Variants in TNIK observed in about 807,000 individuals in gnomAD.
TNIK encodes the protein TRAF2 and NCK-interacting protein kinase.
Under a neutral mutation model 191.3 loss-of-function variants are expected in TNIK, and 49 were observed. The observed-to-expected ratio is 0.26, with a 90% CI of 0.20 to 0.32. The LOEUF is 0.32. Among genes scored for constraint, TNIK ranks in the 10% least tolerant of loss-of-function variants. The pLI is 1.00. For synonymous variants in TNIK, 594 were observed against 600.9 expected (o/e 0.99, Z 0.17); for missense variants, 1,155 against 1,702.3 (o/e 0.68, Z 5.66).
chr3:171,072,406 C>T (rs949956414), intron 28 of TNIK, among the ~76,000 whole-genome samples: 3 of 151,976 alleles, frequency 2.0e-5, no homozygotes, highest in Non-Finnish European at 4.4e-5. Context: ...AAAAGATCCA[C>T]AGCTCTTGGC....
intron 7 of TNIK, among the ~76,000 whole-genome samples, chr3:171,186,587 C>T (rs1737394804): frequency 6.6e-6 from 1 of 152,224 alleles, no homozygotes; most frequent in Non-Finnish European, 1.5e-5. Context: ...TCCTCTTGCA[C>T]AACCTACATT....
chr3:171,453,042 A>G (rs1300868015), intron 1 of TNIK, among the ~76,000 whole-genome samples: 1 of 152,206 alleles, frequency 6.6e-6, no homozygotes, highest in Non-Finnish European at 1.5e-5. Flanking sequence ...TGCCATGGTC[A>G]GCAACAGGCC....
At position 171,139,415 on chromosome 3, in the gene TNIK, A is replaced by ACACACACACACACAC. The variant is rs1354055575; in HGVS notation, c.1419+54_1419+55insGTGTGTGTGTGTGTG. 5.1e-4 allele frequency: 607 copies of ACACACACACACACAC among 1,183,156 alleles called. 1 individual carries two copies. The highest frequency in any genetic ancestry group is 9.8e-4 in the Admixed American group (46 of 46,850). The allele number at this position is 1,183,156 out of a possible 1,614,324, so 73.3% of individuals were successfully genotyped here. ...ACACACACACACACACACACACACAAACACTTGCAAGATGAACACAGAGCA... is the reference window on the plus strand; with the variant it reads ...ACACACACACACACACACACACACAACACACACACACACACACACTTGCAAGATGAACACAGAGCA... On this transcript the variant is annotated intron_variant, in intron 14 of 32. Coordinates refer to ENST00000436636, the MANE Select transcript of TNIK (RefSeq NM_015028.4).
intron 2 of TNIK, among the ~76,000 whole-genome samples, chr3:171,282,341 G>GTTTTTTTTTTTTTTTTTTTTT (rs869305605): frequency 2.5e-5 from 2 of 79,964 alleles, no homozygotes; most frequent in African/African-American, 4.5e-5. Flanking sequence ...ATGGTTTTTT[G>GTTTTTTTTTTTTTTTTTTTTT]TTTTTTTTTT....
At chr3:171,146,458 A>G (rs1232276844) in intron 12 of TNIK, among the ~76,000 whole-genome samples, 1 of 152,168 alleles carries the variant, frequency 6.6e-6, no homozygotes, top group Non-Finnish European at 1.5e-5. Flanking sequence ...TATAGCTGCA[A>G]TGCAACGTGT....
chr3:171,285,683 C>A (rs944773068), intron 2 of TNIK, among the ~76,000 whole-genome samples: 1 of 152,188 alleles, frequency 6.6e-6, no homozygotes, highest in Non-Finnish European at 1.5e-5. Flanking sequence ...ATAAAATTAA[C>A]CCCTATTCCT....
At chr3:171,367,736 C>T (rs1715938711) in intron 2 of TNIK, among the ~76,000 whole-genome samples, 1 of 152,158 alleles carries the variant, frequency 6.6e-6, no homozygotes, top group African/African-American at 2.4e-5. Flanking sequence ...TCCCAAAGTG[C>T]TGGGATTACA....
intron 1 of TNIK, among the ~76,000 whole-genome samples, chr3:171,387,582 G>A (rs1441025447): frequency 6.6e-6 from 1 of 152,164 alleles, no homozygotes; most frequent in Admixed American, 6.6e-5. Flanking sequence ...GAAACTTAAG[G>A]AGTATGTGTC....
chr3:171,096,031 C>T (rs1273231591), intron 22 of TNIK, among the ~76,000 whole-genome samples: 2 of 151,754 alleles, frequency 1.3e-5, no homozygotes, highest in Non-Finnish European at 2.9e-5. Context: ...CTTCTTTCTT[C>T]CTTTGTGCCG....
chr3:171,150,436 C>T (rs1345133353), intron 12 of TNIK, among the ~76,000 whole-genome samples: 1 of 152,176 alleles, frequency 6.6e-6, no homozygotes, highest in Non-Finnish European at 1.5e-5. Flanking sequence ...GAAAGGGTCA[C>T]TCGGAAGGTA....
chr3:171,141,712 A>G (rs1730866252), intron 12 of TNIK, among the ~76,000 whole-genome samples: 1 of 152,196 alleles, frequency 6.6e-6, no homozygotes, highest in African/African-American at 2.4e-5. Context: ...CCCATACATC[A>G]TGGCATTAGT....
intron 2 of TNIK, among the ~76,000 whole-genome samples, chr3:171,296,790 A>G (rs1335076085): frequency 6.6e-6 from 1 of 152,192 alleles, no homozygotes; most frequent in Admixed American, 6.5e-5. Context: ...CTTAAATGAC[A>G]CTTTTATCTA....
chr3:171,065,557 T>A (rs1345061342), intron 32 of TNIK, among the ~76,000 whole-genome samples: 1 of 151,854 alleles, frequency 6.6e-6, no homozygotes, highest in Non-Finnish European at 1.5e-5. Context: ...ACAGGGAGGG[T>A]AAGGGAGAAG....
rs769060654 is a variant in TNIK, at chr3:171,084,126, A to T, written c.3169+29T>A. ...AGTTCATTAATGAGTGGTTATTTAA[A>T]AAAAAAAAAAAAAAAAGCACCAACA... On this transcript the variant is annotated intron_variant, in intron 26 of 32. Coordinates refer to ENST00000436636, the MANE Select transcript of TNIK (RefSeq NM_015028.4). 4.1e-5 allele frequency: 38 copies of T among 931,364 alleles called. No homozygotes were observed. In the East Asian group the frequency reaches 1.1e-3, roughly 26 times the overall value. 57.7% of individuals were successfully genotyped at this position (931,364 alleles called of 1,614,324 possible). A position where few individuals can be genotyped will look rare whatever the true frequency, so the allele number is the denominator to read the frequency against.
chr3:171,074,072 A>G (rs1420976649), intron 28 of TNIK, among the ~76,000 whole-genome samples: 2 of 150,114 alleles, frequency 1.3e-5, no homozygotes, highest in Non-Finnish European at 3.0e-5. Context: ...CTGCATTTGT[A>G]CATTTATTGC....
intron 5 of TNIK, among the ~76,000 whole-genome samples, chr3:171,191,961 T>C (rs1560240188): frequency 6.6e-6 from 1 of 152,232 alleles, no homozygotes; most frequent in Non-Finnish European, 1.5e-5. Flanking sequence ...CTTTATTACC[T>C]TTAATTTTTT....
chr3:171,192,782 C>T (rs1017926049), intron 5 of TNIK, among the ~76,000 whole-genome samples: 1 of 152,122 alleles, frequency 6.6e-6, no homozygotes, highest in Non-Finnish European at 1.5e-5. Flanking sequence ...TAAGTTTGCA[C>T]AATGGCACAT....
intron 1 of TNIK, among the ~76,000 whole-genome samples, chr3:171,373,255 A>G (rs1716769426): frequency 6.6e-6 from 1 of 151,384 alleles, no homozygotes; most frequent in South Asian, 2.1e-4. Flanking sequence ...GTCCCTTTTG[A>G]GGCATTTATA....
chr3:171,428,347 A>G (rs899285891), intron 1 of TNIK, among the ~76,000 whole-genome samples: 10 of 152,204 alleles, frequency 6.6e-5, no homozygotes, highest in African/African-American at 2.4e-4. Context: ...AGAGGAGTCA[A>G]AGTTACTCCC....
Sources: allele counts gnomAD v4.1 joint callset (sites outside exome capture counted in the v4.1 genomes callset), GRCh38; gene constraint gnomAD v4.1.1; transcripts MANE v1.5; gene names NCBI Gene and HGNC (gene_info 2026-07-23, HGNC 2026-07-21).